The following AKAP13 variants were observed in gnomAD, a reference collection of about 807,000 sequenced individuals.
AKAP13 encodes the protein A-kinase anchor protein 13.
In AKAP13, 80 loss-of-function variants were observed where a neutral mutation model predicts 264.5. The ratio of observed to expected loss-of-function variants is 0.30; its 90% CI spans 0.25 to 0.36. The LOEUF is 0.36. Ranked by LOEUF, AKAP13 falls within the 10% of genes least tolerant of loss-of-function variation. The pLI is 1.00. For synonymous variants in AKAP13, 1,380 were observed against 1,250.2 expected, an observed-to-expected ratio of 1.10 and a Z score of -2.19; for missense variants, 3,712 against 3,435.2, an observed-to-expected ratio of 1.08 and a Z score of -2.01.
intron 1 of AKAP13, among the ~76,000 whole-genome samples, chr15:85,447,536 A>T (rs902843336): frequency 6.6e-6 from 1 of 152,028 alleles, no homozygotes; most frequent in Non-Finnish European, 1.5e-5. Flanking sequence ...CCACCCCCAA[A>T]TAGACCCCAG....
intron 36 of AKAP13, 129 bp downstream of exon 36, chr15:85,743,954 C>T (rs1369421774): frequency 2.8e-6 from 3 of 1,079,558 alleles, no homozygotes; most frequent in East Asian, 5.2e-5. Context: ...AACTGCCATC[C>T]TTTTCACCAG....
chr15:85,445,626 A>G (rs1035860227), intron 1 of AKAP13, among the ~76,000 whole-genome samples: 1 of 152,162 alleles, frequency 6.6e-6, no homozygotes, highest in African/African-American at 2.4e-5. Context: ...ACTGTGACTT[A>G]CCTTTATTAT....
chr15:85,543,540 G>T (rs529672635), intron 4 of AKAP13, among the ~76,000 whole-genome samples: 2 of 152,120 alleles, frequency 1.3e-5, no homozygotes, highest in Admixed American at 6.5e-5. Flanking sequence ...GACTGTGTTC[G>T]ATTGAAGATT....
intron 8 of AKAP13, among the ~76,000 whole-genome samples, chr15:85,619,078 A>G (rs148157680): frequency 1.3e-5 from 2 of 152,152 alleles, no homozygotes; most frequent in Admixed American, 6.5e-5. Flanking sequence ...CCCTTCCTTT[A>G]TTAGCATACT....
chr15:85,575,061 G>T (rs2078961101), intron 5 of AKAP13, 70 bp from the exon 6 acceptor site: 1 of 1,478,574 alleles, frequency 6.8e-7, no homozygotes. Flanking sequence ...TACGAAGTAA[G>T]ACTTAGAACG....
intron 1 of AKAP13, among the ~76,000 whole-genome samples, chr15:85,417,441 A>G (rs2072294708): frequency 6.6e-6 from 1 of 152,214 alleles, no homozygotes; most frequent in South Asian, 2.1e-4. Flanking sequence ...ATATTCGTTT[A>G]TGTAAAAATT....
At chr15:85,468,553 G>A (rs2074838175) in intron 1 of AKAP13, among the ~76,000 whole-genome samples, 1 of 152,204 alleles carries the variant, frequency 6.6e-6, no homozygotes, top group East Asian at 1.9e-4. Context: ...CTACTAAAGA[G>A]ATGTCTTGGT....
At chr15:85,540,657 G>T (rs1273596879) in intron 4 of AKAP13, among the ~76,000 whole-genome samples, 1 of 152,196 alleles carries the variant, frequency 6.6e-6, no homozygotes, top group Non-Finnish European at 1.5e-5. Context: ...ACAAAAGGAA[G>T]AAAGCAGTGA....
At chr15:85,665,277 A>C (rs2083527835) in intron 13 of AKAP13, among the ~76,000 whole-genome samples, 1 of 152,228 alleles carries the variant, frequency 6.6e-6, no homozygotes, top group Admixed American at 6.5e-5. Context: ...CACACTTTTT[A>C]AAATTAGGAA....
At chr15:85,540,091 G>A (rs1210650824) in intron 4 of AKAP13, among the ~76,000 whole-genome samples, 2 of 152,136 alleles carry the variant, frequency 1.3e-5, no homozygotes, top group Non-Finnish European at 2.9e-5. Context: ...AAGGAATGGC[G>A]CCTTTGATTG....
At chr15:85,431,586 T>G (rs1415895712) in intron 1 of AKAP13, among the ~76,000 whole-genome samples, 1 of 152,114 alleles carries the variant, frequency 6.6e-6, no homozygotes, top group African/African-American at 2.4e-5. Context: ...AGCTTTGAGG[T>G]GAAGGAGTGG....
chr15:85,639,380 C>A lies in AKAP13; in HGVS notation c.4168C>A (p.Arg1390=). The stretch of plus-strand genomic sequence containing the variant: ...TGTTTTCTTTTTCTTTCAGATAAAC[C>A]GAGAAAACTGGTGTACAATAGAGCC... ...KQGPMTQAIN[R]ENWCTIEPCP... The change falls in exon 9 of 37, where the codon CGA becomes AGA. Residue 1390 remains arginine (R), a synonymous_variant. Transcript: ENST00000394518. 1 of 1,608,810 alleles carries A rather than the reference C, an allele frequency of 6.2e-7. No individual in the cohort carries two copies. Among genetic ancestry groups the A allele is most frequent in the South Asian group, 1.1e-5 (1 of 90,976 alleles).
rs933689858 is a variant in AKAP13, at chr15:85,724,442, A to G, written c.6745+1122A>G. ...ATAAGGAGAAAGTGTTCCCCACACT[A>G]AGGAAGAGAAAGTGGAAGCACAGAG... On this transcript the variant is annotated intron_variant, in intron 26 of 36. Transcript: ENST00000394518. This position sits in a 1 kb window ranked among gnomAD's most constrained non-coding sequence, Gnocchi z 4.2. Among the ~76,000 whole-genome samples the G allele has an allele frequency of 2.0e-5, 3 of 152,032 alleles. No homozygotes were observed. Among genetic ancestry groups the G allele is most frequent in the African/African-American group, 7.2e-5 (3 of 41,394 alleles).
At chr15:85,457,632 A>C (rs2074329552) in intron 1 of AKAP13, among the ~76,000 whole-genome samples, 1 of 152,236 alleles carries the variant, frequency 6.6e-6, no homozygotes, top group African/African-American at 2.4e-5. Context: ...GCATGGTAAC[A>C]AACCAAATAA....
Position 85,682,220 on chromosome 15 carries a change from A to C in AKAP13, c.5156+8A>C. The C allele has an allele frequency of 6.2e-7, 1 of 1,612,278 alleles. No homozygotes were observed. The highest frequency in any genetic ancestry group is 8.5e-7 in the Non-Finnish European group (1 of 1,179,266). On this transcript the variant is annotated splice_region_variant and intron_variant, in intron 15 of 36. Coordinates refer to ENST00000394518, the MANE Select transcript of AKAP13 (RefSeq NM_007200.5). ...TGCTAATCTGACTGAGAGGTACTAT[A>C]AATTTGTTACTCCTTTTTCCAGAAA...
intron 2 of AKAP13, among the ~76,000 whole-genome samples, chr15:85,512,319 T>A (rs1271152102): frequency 6.6e-6 from 1 of 152,162 alleles, no homozygotes; most frequent in Non-Finnish European, 1.5e-5. Context: ...CGTTTGGGTT[T>A]GGGTTTACCG....
At chr15:85,737,433 A>G (rs2088622658) in intron 33 of AKAP13, among the ~76,000 whole-genome samples, 1 of 152,224 alleles carries the variant, frequency 6.6e-6, no homozygotes, top group African/African-American at 2.4e-5. Context: ...TGCTTTTTAG[A>G]GTATAGTTCT....
intron 1 of AKAP13, among the ~76,000 whole-genome samples, chr15:85,444,939 G>A (rs1006612867): frequency 6.6e-6 from 1 of 152,124 alleles, no homozygotes; most frequent in Non-Finnish European, 1.5e-5. Context: ...TTAGCTGAGG[G>A]AATTAAGGCG....
At chr15:85,464,450 C>G (rs894924295) in intron 1 of AKAP13, among the ~76,000 whole-genome samples, 1 of 151,964 alleles carries the variant, frequency 6.6e-6, no homozygotes, top group African/African-American at 2.4e-5. Context: ...AGTTTTGAAA[C>G]TTAATCTGTA....
Sources: gnomAD v4.1 joint callset for allele counts (sites outside exome capture counted in the v4.1 genomes callset) on GRCh38, gnomAD v4.1.1 for gene constraint, Gnocchi (gnomAD v3.1) non-coding constraint, MANE v1.5 for transcripts, NCBI Gene and HGNC (gene_info 2026-07-23, HGNC 2026-07-21) for gene names.